WWC1: variants seen among roughly 807,000 people sequenced by gnomAD.
WWC1 encodes WW and C2 domain containing 1.
Under a neutral mutation model 138.4 loss-of-function variants are expected in WWC1, and 55 were observed. The ratio of observed to expected loss-of-function variants is 0.40; its 90% CI spans 0.32 to 0.50. The LOEUF is 0.50. Among genes scored for constraint, WWC1 ranks in the 20% least tolerant of loss-of-function variants. The probability of loss-of-function intolerance (pLI) is 0.72; values close to 1 mark genes in which losing one functional copy is unlikely to be tolerated. For missense variants in WWC1, 1,226 were observed against 1,420.4 expected (o/e 0.86, Z 2.20); for synonymous variants, 524 against 564.9 (o/e 0.93, Z 1.03).
At position 168,399,067 on chromosome 5, in the gene WWC1, A is replaced by G. The variant is rs534644771; in HGVS notation, c.511-421A>G. Among the ~76,000 whole-genome samples the G allele has an allele frequency of 2.0e-5, 3 of 152,350 alleles. No homozygotes were observed. The South Asian group carries it at 6.2e-4, about 32-fold the overall frequency. The stretch of plus-strand genomic sequence containing the variant: ...TCTTGCCTCCACGTGAAGCACTCTC[A>G]TAGCCTTTGCCAGCTTTAAGTGATC... On this transcript the variant is annotated intron_variant, in intron 4 of 22. Coordinates refer to ENST00000265293, the MANE Select transcript of WWC1 (RefSeq NM_015238.3).
chr5:168,442,529 T>C (rs1421990277), intron 16 of WWC1, among the ~76,000 whole-genome samples: 1 of 151,526 alleles, frequency 6.6e-6, no homozygotes, highest in Non-Finnish European at 1.5e-5. Flanking sequence ...AACTGTTCCA[T>C]TGTGACTTTG....
chr5:168,425,594 C>T (rs1308048980), intron 11 of WWC1, among the ~76,000 whole-genome samples: 3 of 150,618 alleles, frequency 2.0e-5, no homozygotes, highest in Non-Finnish European at 2.9e-5. Flanking sequence ...TGGGTTCAAG[C>T]GATTCTCCTG....
intron 1 of WWC1, among the ~76,000 whole-genome samples, chr5:168,360,794 A>G (rs1775825842): frequency 6.6e-6 from 1 of 152,194 alleles, no homozygotes; most frequent in Non-Finnish European, 1.5e-5. Flanking sequence ...GGTCAATTCC[A>G]TTTCTAGAAG....
chr5:168,318,991 C>A lies in WWC1; in HGVS notation c.119+26720C>A, dbSNP rs563826563. On this transcript the variant is annotated intron_variant, in intron 1 of 22. Coordinates refer to ENST00000265293, the MANE Select transcript of WWC1 (RefSeq NM_015238.3). ...TACATATGTGAGATGTATATACATA[C>A]AATGTGTTGCAATATATACACATAC... is the stretch of plus-strand genomic sequence containing the variant. Among the ~76,000 whole-genome samples the A allele has an allele frequency of 1.2e-4, 19 of 152,320 alleles. No individual in the cohort carries two copies. In the South Asian group the frequency reaches 3.3e-3, roughly 27 times the overall value.
Position 168,330,638 on chromosome 5 carries a change from C to T in WWC1, c.119+38367C>T, listed in dbSNP as rs1252203676. On this transcript the variant is annotated intron_variant, in intron 1 of 22. Transcript: ENST00000265293. ...ACAGCTAAGACCTCCCCCCATCCTA[C>T]ATGCACTCATTCTTCTCTTTCCTCT... Among the ~76,000 whole-genome samples, 3 of 152,132 alleles carry T rather than the reference C, an allele frequency of 2.0e-5. No homozygotes were observed. The East Asian group carries it at 5.8e-4, about 29-fold the overall frequency.
rs556937028 is a variant in WWC1, at chr5:168,330,108, TCAAAA to T, written c.119+37853_119+37857del. 6.6e-5 allele frequency among the ~76,000 whole-genome samples: 10 copies of T among 152,208 alleles called. No homozygotes were observed. In the East Asian group the frequency reaches 7.7e-4, roughly 12 times the overall value. The stretch of plus-strand genomic sequence containing the variant: ...CTGGGTGACAGTGCGAGACCCTGTC[TCAAAA>T]CAAAACAAAACAAAAACAGCTGTGG... On this transcript the variant is annotated intron_variant, in intron 1 of 22. Coordinates refer to ENST00000265293, the MANE Select transcript of WWC1 (RefSeq NM_015238.3).
chr5:168,441,622 C>A, intron 15 of WWC1, 60 bp from the exon 16 acceptor site: 2 of 1,575,428 alleles, frequency 1.3e-6, no homozygotes, highest in Non-Finnish European at 1.7e-6. Flanking sequence ...AACCAAATTC[C>A]CTGACACCTG....
chr5:168,360,435 A>G (rs192522323), intron 1 of WWC1, among the ~76,000 whole-genome samples: 1 of 152,248 alleles, frequency 6.6e-6, no homozygotes, highest in Admixed American at 6.5e-5. Context: ...TGCCTCACAG[A>G]AATATTGTTA....
At chr5:168,409,388 CCCTT>C (rs1391051352) in intron 7 of WWC1, among the ~76,000 whole-genome samples, 5 of 152,184 alleles carry the variant, frequency 3.3e-5, no homozygotes, top group Non-Finnish European at 7.3e-5. Flanking sequence ...AAGAGGCTGT[CCCTT>C]CCTTCCCCAT....
At chr5:168,465,024 G>T in intron 21 of WWC1, 62 bp downstream of exon 21, 1 of 1,571,412 alleles carries the variant, frequency 6.4e-7, no homozygotes, top group Non-Finnish European at 8.6e-7. Context: ...GGGGGGCACT[G>T]CCCCGGGGAA....
chr5:168,414,081 A>G (rs144689003), intron 8 of WWC1: 1 of 431,796 alleles, frequency 2.3e-6, no homozygotes, highest in African/African-American at 2.0e-5. Flanking sequence ...TGATGAATCC[A>G]CATCTCTATT....
chr5:168,383,544 G>A (rs558829085), intron 2 of WWC1, among the ~76,000 whole-genome samples: 34 of 152,274 alleles, frequency 2.2e-4, no homozygotes, highest in African/African-American at 2.6e-4. Context: ...AGTGTTCCCC[G>A]GGCTAGGCAT....
intron 15 of WWC1, among the ~76,000 whole-genome samples, chr5:168,436,634 G>T (rs146954546): frequency 6.6e-6 from 1 of 151,990 alleles, no homozygotes; most frequent in Non-Finnish European, 1.5e-5. Context: ...CTGTGTCTCC[G>T]CTGTCTCAGC....
At chr5:168,314,550 A>G (rs1771403348) in intron 1 of WWC1, among the ~76,000 whole-genome samples, 1 of 152,134 alleles carries the variant, frequency 6.6e-6, no homozygotes. Flanking sequence ...CTGGGCAACA[A>G]GAGTGAAACT....
At chr5:168,419,350 A>G (rs1780905901) in intron 9 of WWC1, among the ~76,000 whole-genome samples, 2 of 98,744 alleles carry the variant, frequency 2.0e-5, no homozygotes, top group African/African-American at 1.4e-4. Flanking sequence ...GAGCTCATAA[A>G]CTGTGCCTGG....
At position 168,296,843 on chromosome 5, in the gene WWC1, C is replaced by T. The variant is rs115225672; in HGVS notation, c.119+4572C>T. On this transcript the variant is annotated intron_variant, in intron 1 of 22. Coordinates refer to ENST00000265293, the MANE Select transcript of WWC1 (RefSeq NM_015238.3). ...TCTAACCACTGCCTCATTTTACTTC[C>T]TGCTGAGTTAGCTGCAGAATCAAGA... is the stretch of plus-strand genomic sequence containing the variant. 3.5e-3 allele frequency among the ~76,000 whole-genome samples: 538 copies of T among 152,326 alleles called. 2 individuals are homozygous for T. The highest frequency in any genetic ancestry group is 6.0e-3 in the South Asian group (29 of 4,824).
chr5:168,411,181 C>T (rs1396751585), intron 8 of WWC1, among the ~76,000 whole-genome samples: 1 of 152,116 alleles, frequency 6.6e-6, no homozygotes, highest in Non-Finnish European at 1.5e-5. Flanking sequence ...CCCACCTCAG[C>T]CTCCCAAAGT....
Position 168,421,484 on chromosome 5 carries a change from G to A in WWC1, c.1185-524G>A, listed in dbSNP as rs186006991. ...GATATTTGAGTATTTCTTTAATATC[G>A]GTTCTCCCCAGTAGAATGTAAGCCC... On this transcript the variant is annotated intron_variant, in intron 9 of 22. Coordinates refer to ENST00000265293, the MANE Select transcript of WWC1 (RefSeq NM_015238.3). Among the ~76,000 whole-genome samples the A allele has an allele frequency of 3.7e-3, 565 of 152,162 alleles. 4 individuals are homozygous for A. Among genetic ancestry groups the A allele is most frequent in the African/African-American group, 0.013 (532 of 41,504 alleles).
rs913429612 is a variant in WWC1, at chr5:168,460,833, G to A, written c.2916+91G>A. 5.3e-5 allele frequency: 71 copies of A among 1,331,822 alleles called. No individual in the cohort carries two copies. In the Admixed American group the frequency reaches 1.3e-3, roughly 24 times the overall value. The allele number at this position is 1,331,822 out of a possible 1,614,324, so 82.5% of individuals were successfully genotyped here. On this transcript the variant is annotated intron_variant, in intron 20 of 22. Transcript: ENST00000265293. ...CTGCACACACATCTCCTAATGTCTG[G>A]CCATTTCTCCTCAGCCACTGGCTAG...
Sources: gnomAD v4.1 joint callset for allele counts (sites outside exome capture counted in the v4.1 genomes callset) on GRCh38, gnomAD v4.1.1 for gene constraint, MANE v1.5 for transcripts, NCBI Gene and HGNC (gene_info 2026-07-23, HGNC 2026-07-21) for gene names.